The following KXD1 variants were observed in gnomAD, a reference collection of about 807,000 sequenced individuals.
The protein encoded by KXD1 is KxDL motif containing 1.
Under a neutral mutation model 12.1 loss-of-function variants are expected in KXD1, and 5 were observed. The ratio of observed to expected loss-of-function variants is 0.41; its 90% confidence interval spans 0.22 to 0.87. The LOEUF is 0.87. Ranked by LOEUF, KXD1 falls within the 40% of genes least tolerant of loss-of-function variation. The probability of loss-of-function intolerance (pLI) is 0.31; values close to 1 mark genes in which losing one functional copy is unlikely to be tolerated. For synonymous variants in KXD1, 98 were observed against 100.5 expected (o/e 0.98, Z 0.15); for missense variants, 193 against 244.9 (o/e 0.79, Z 1.41).
chr19:18,561,630 TG>T (rs113864401), intron 1 of KXD1: 21,281 of 154,966 alleles, frequency 0.14, 3,759 homozygotes, highest in African/African-American at 0.42. Flanking sequence ...ATTGACCTCT[TG>T]GGAGAGGAGA....
At chr19:18,563,919 C>G (rs1190469380) in intron 2 of KXD1, among the ~76,000 whole-genome samples, 1 of 151,040 alleles carries the variant, frequency 6.6e-6, no homozygotes, top group Non-Finnish European at 1.5e-5. Context: ...CATAGTTTCG[C>G]ACTGTCACCC....
At chr19:18,567,412 G>A in intron 4 of KXD1, 1 of 663,720 alleles carries the variant, frequency 1.5e-6, no homozygotes, top group East Asian at 2.7e-5. Context: ...ACAGGAGAAT[G>A]TGGATAAGCA....
chr19:18,565,261 G>A lies in KXD1; in HGVS notation c.254+240G>A, dbSNP rs1297988249. ...TTTTTTTTTTTGGAGACGGAGTCTC[G>A]CTCTGTTGCCCAGGCTGGAGTGCAG... On this transcript the variant is annotated intron_variant, in intron 3 of 4. Coordinates refer to ENST00000222307, the MANE Select transcript of KXD1 (RefSeq NM_024069.4). 12 of 1,179,268 alleles carry A rather than the reference G, an allele frequency of 1.0e-5. No homozygotes were observed. The South Asian group carries it at 2.0e-4, about 20-fold the overall frequency. The allele number at this position is 1,179,268 out of a possible 1,614,324, so 73.1% of individuals were successfully genotyped here. A position where few individuals can be genotyped will look rare whatever the true frequency, so the allele number is the denominator to read the frequency against.
chr19:18,566,045 C>T (rs771930934), intron 3 of KXD1, among the ~76,000 whole-genome samples: 2 of 152,040 alleles, frequency 1.3e-5, no homozygotes, highest in Non-Finnish European at 2.9e-5. Context: ...TGGCCAGGCT[C>T]ATCTCGAAGT....
intron 3 of KXD1, 71 bp from the exon 4 acceptor site, chr19:18,567,061 C>A: frequency 6.8e-7 from 1 of 1,464,972 alleles, no homozygotes; most frequent in Non-Finnish European, 9.5e-7. Context: ...GCAGCAGGGG[C>A]TTGTGGCCAG....
At chr19:18,564,180 C>G (rs185882265) in intron 2 of KXD1, among the ~76,000 whole-genome samples, 7 of 152,112 alleles carry the variant, frequency 4.6e-5, no homozygotes, top group Non-Finnish European at 2.9e-5. Flanking sequence ...CCCCCATGCC[C>G]GGCTGGTCTC....
intron 4 of KXD1, chr19:18,567,395 A>C: frequency 1.5e-6 from 1 of 651,264 alleles, no homozygotes; most frequent in Non-Finnish European, 2.8e-6. Context: ...CCCCGTGGGG[A>C]GGCCGCACAG....
chr19:18,567,045 C>A, intron 3 of KXD1, 87 bp from the exon 4 acceptor site: 3 of 1,261,336 alleles, frequency 2.4e-6, no homozygotes, highest in South Asian at 1.2e-5. Context: ...CCCTTGCCCT[C>A]AGCTGGCAGC....
chr19:18,564,841 G>T, intron 2 of KXD1, 28 bp from the exon 3 acceptor site: 1 of 1,611,980 alleles, frequency 6.2e-7, no homozygotes. Flanking sequence ...GCTGGGCAGT[G>T]AAGCTCATGC....
intron 3 of KXD1, chr19:18,565,227 A>G (rs1236892210): frequency 1.6e-6 from 2 of 1,264,398 alleles, no homozygotes; most frequent in Non-Finnish European, 2.1e-6. Context: ...TGATCGAGAC[A>G]GAGTTTTTTT....
Position 18,564,935 on chromosome 19 carries a change from G to C in KXD1, c.168G>C (p.Leu56=). 6.2e-7 allele frequency: 1 copy of C among 1,613,570 alleles called. No homozygotes were observed. The highest frequency in any genetic ancestry group is 8.5e-7 in the Non-Finnish European group (1 of 1,180,024). The change falls in exon 3 of 5, where the codon CTG becomes CTC. Residue 56 remains leucine, a synonymous_variant. Transcript: ENST00000222307. ...TCAACAACCTGTCCAGTGCCCGCCT[G>C]CAGCAGATGAGCGAACGCTTCCTGC... is the stretch of plus-strand genomic sequence containing the variant. The part of the protein sequence containing the change: ...LNFNNLSSAR[L]QQMSERFLHH...
chr19:18,565,431 G>A (rs932611878), intron 3 of KXD1, among the ~76,000 whole-genome samples: 1 of 152,056 alleles, frequency 6.6e-6, no homozygotes. Flanking sequence ...GGGTTTCACC[G>A]TGTTAGTAGT....
chr19:18,563,623 C>G (rs1249415493), intron 2 of KXD1, among the ~76,000 whole-genome samples: 1 of 152,038 alleles, frequency 6.6e-6, no homozygotes, highest in Non-Finnish European at 1.5e-5. Flanking sequence ...ACTGCCTCAG[C>G]CTTCCAAGTA....
chr19:18,565,613 A>C (rs1430328918), intron 3 of KXD1, among the ~76,000 whole-genome samples: 1 of 152,160 alleles, frequency 6.6e-6, no homozygotes, highest in South Asian at 2.1e-4. Flanking sequence ...TCCTGGATTC[A>C]AGCGATTCTT....
chr19:18,561,883 TC>T, intron 1 of KXD1, 152 bp from the exon 2 acceptor site: 1 of 514,180 alleles, frequency 1.9e-6, no homozygotes, highest in Non-Finnish European at 3.4e-6. Flanking sequence ...CACCTGAGGT[TC>T]AGGTGGCATG....
intron 3 of KXD1, among the ~76,000 whole-genome samples, chr19:18,565,752 A>G (rs1214708624): frequency 1.3e-5 from 2 of 152,100 alleles, no homozygotes; most frequent in African/African-American, 4.8e-5. Context: ...CAGTGGTGCA[A>G]TGTCAGCTCA....
intron 2 of KXD1, among the ~76,000 whole-genome samples, chr19:18,564,212 A>G (rs1471262412): frequency 6.6e-6 from 1 of 152,022 alleles, no homozygotes; most frequent in African/African-American, 2.4e-5. Flanking sequence ...GGTCAGATTC[A>G]GACCTGGCTC....
In KXD1 at chr19:18,563,106, T is replaced by G. The variant is rs1975005166; in HGVS notation, c.101+949T>G. On this transcript the variant is annotated intron_variant, in intron 2 of 4. Coordinates refer to ENST00000222307, the MANE Select transcript of KXD1 (RefSeq NM_024069.4). The stretch of plus-strand genomic sequence containing the variant: ...AGCTGTCGTTAGTGTTAGTGTATTT[T>G]ATGTGTGGCCCAAGACAATTCTTCT... 2.0e-5 allele frequency among the ~76,000 whole-genome samples: 3 copies of G among 149,322 alleles called. No homozygotes were observed. In the South Asian group the frequency reaches 6.2e-4, roughly 31 times the overall value.
chr19:18,558,779 G>C (rs896093897), intron 1 of KXD1: 1 of 152,120 alleles, frequency 6.6e-6, no homozygotes, highest in Non-Finnish European at 1.5e-5. Context: ...ATGTGGGCCA[G>C]ACTAGCAGTA....
Sources: allele counts gnomAD v4.1 joint callset (sites outside exome capture counted in the v4.1 genomes callset), GRCh38; gene constraint gnomAD v4.1.1; transcripts MANE v1.5; gene names NCBI Gene and HGNC (gene_info 2026-07-23, HGNC 2026-07-21).